The following PGM5 variants were observed in gnomAD, a reference collection of about 807,000 sequenced individuals.
The protein encoded by PGM5 is phosphoglucomutase-like protein 5.
Under a neutral mutation model 59.2 loss-of-function variants are expected in PGM5, and 23 were observed. The ratio of observed to expected loss-of-function variants is 0.39; its 90% CI spans 0.28 to 0.55. PGM5 has a LOEUF of 0.55. PGM5 is among the 20% of genes least tolerant of loss of function. The pLI, the probability that PGM5 is intolerant of heterozygous loss-of-function variation, is 0.66. For synonymous variants in PGM5, 214 were observed against 286.0 expected (o/e 0.75, Z 2.54); for missense variants, 574 against 748.3 (o/e 0.77, Z 2.72).
chr9:68,417,946 C>G (rs548262339), intron 6 of PGM5, among the ~76,000 whole-genome samples: 1 of 152,332 alleles, frequency 6.6e-6, no homozygotes, highest in East Asian at 1.9e-4. Flanking sequence ...GTGTGCCTTA[C>G]ACTTCAATTG....
intron 6 of PGM5, among the ~76,000 whole-genome samples, chr9:68,406,678 G>GTATA (rs782034091): frequency 2.1e-4 from 5 of 23,612 alleles, no homozygotes; most frequent in African/African-American, 8.8e-4. Flanking sequence ...ATATATATAT[G>GTATA]TATATATATA....
At chr9:68,456,432 T>C (rs182321649) in intron 6 of PGM5, among the ~76,000 whole-genome samples, 1 of 151,380 alleles carries the variant, frequency 6.6e-6, no homozygotes, top group Admixed American at 6.6e-5. Context: ...TGCTTCAGCC[T>C]CCCGAGTAGC....
intron 6 of PGM5, among the ~76,000 whole-genome samples, chr9:68,460,882 G>A (rs1275405090): frequency 6.6e-6 from 1 of 152,134 alleles, no homozygotes; most frequent in Non-Finnish European, 1.5e-5. Flanking sequence ...GTGTTTGTGT[G>A]TGGAGGGAAA....
intron 10 of PGM5, among the ~76,000 whole-genome samples, chr9:68,500,317 G>GT (rs1180953041): frequency 2.2e-4 from 34 of 151,700 alleles, no homozygotes; most frequent in African/African-American, 8.0e-4. Flanking sequence ...GTTTTGTTTT[G>GT]TTTTTTTCAT....
chr9:68,481,858 C>A (rs1028441353), intron 8 of PGM5, among the ~76,000 whole-genome samples: 28 of 152,146 alleles, frequency 1.8e-4, no homozygotes, highest in African/African-American at 6.5e-4. Flanking sequence ...GTAAACATTT[C>A]CTTCAACCCC....
chr9:68,525,975 G>T (rs920591193), intron 10 of PGM5, among the ~76,000 whole-genome samples: 1 of 151,870 alleles, frequency 6.6e-6, no homozygotes, highest in Non-Finnish European at 1.5e-5. Context: ...AGAATGGCGT[G>T]AACCCGGGAG....
At chr9:68,464,865 A>G (rs555023706) in intron 6 of PGM5, among the ~76,000 whole-genome samples, 1 of 152,218 alleles carries the variant, frequency 6.6e-6, no homozygotes, top group Non-Finnish European at 1.5e-5. Flanking sequence ...CTGTATATTA[A>G]CTTATTATTT....
At chr9:68,416,656 G>A (rs1823037588) in intron 6 of PGM5, among the ~76,000 whole-genome samples, 1 of 152,124 alleles carries the variant, frequency 6.6e-6, no homozygotes. Flanking sequence ...CCCTATATAA[G>A]CAGTTCCAAT....
intron 10 of PGM5, among the ~76,000 whole-genome samples, chr9:68,512,707 C>T (rs1341054382): frequency 3.3e-5 from 5 of 152,180 alleles, no homozygotes; most frequent in Admixed American, 6.5e-5. Flanking sequence ...GTAAAGGCCC[C>T]GTCTTAAAAT....
chr9:68,432,808 T>C (rs1465710435), intron 6 of PGM5, among the ~76,000 whole-genome samples: 2 of 152,160 alleles, frequency 1.3e-5, no homozygotes, highest in African/African-American at 2.4e-5. Context: ...GGTTTCTCCA[T>C]GTTGGCCAGG....
intron 6 of PGM5, among the ~76,000 whole-genome samples, chr9:68,418,156 G>A (rs1392482281): frequency 6.6e-6 from 1 of 152,126 alleles, no homozygotes; most frequent in African/African-American, 2.4e-5. Context: ...TCACCTGCTG[G>A]CGTGATTCCA....
At chr9:68,504,194 T>C (rs1824621487) in intron 10 of PGM5, among the ~76,000 whole-genome samples, 1 of 152,248 alleles carries the variant, frequency 6.6e-6, no homozygotes, top group African/African-American at 2.4e-5. Flanking sequence ...TCCACCTGAA[T>C]GTCTTATAGA....
At chr9:68,470,652 T>C (rs1824005874) in intron 7 of PGM5, among the ~76,000 whole-genome samples, 1 of 152,264 alleles carries the variant, frequency 6.6e-6, no homozygotes, top group African/African-American at 2.4e-5. Context: ...ATCTGCCGAT[T>C]CTAGTCTCTA....
In PGM5 at chr9:68,356,932, G is replaced by A. The variant is rs1834454793; in HGVS notation, c.-196G>A. 2.1e-6 allele frequency: 1 copy of A among 466,524 alleles called. No individual in the cohort carries two copies. The highest frequency in any genetic ancestry group is 2.1e-5 in the African/African-American group (1 of 48,366). 28.9% of individuals were successfully genotyped at this position (466,524 alleles called of 1,614,324 possible). On this transcript the variant is annotated 5_prime_UTR_variant, in exon 1 of 11. Coordinates refer to ENST00000396396, the MANE Select transcript of PGM5 (RefSeq NM_021965.4). The stretch of plus-strand genomic sequence containing the variant: ...GAAGCAATCTCTGCCGAGAGAGTCA[G>A]CCGAGCGGCCGCGCGGAGAGGAGGG...
intron 6 of PGM5, among the ~76,000 whole-genome samples, chr9:68,407,488 T>G (rs1822844022): frequency 6.6e-6 from 1 of 152,136 alleles, no homozygotes; most frequent in African/African-American, 2.4e-5. Context: ...CACATGAAAA[T>G]TCACTGTTCC....
chr9:68,376,135 A>G (rs557643557), intron 1 of PGM5, among the ~76,000 whole-genome samples: 2 of 152,286 alleles, frequency 1.3e-5, no homozygotes, highest in Admixed American at 1.3e-4. Context: ...TAGTGACTTG[A>G]TGTGACTTAC....
At chr9:68,484,579 A>G (rs1055021398) in intron 9 of PGM5, among the ~76,000 whole-genome samples, 1 of 137,602 alleles carries the variant, frequency 7.3e-6, no homozygotes, top group African/African-American at 3.3e-5. Flanking sequence ...CACACACACA[A>G]AACAAAACAA....
In PGM5 at chr9:68,484,342, G is replaced by A. The variant is rs1279900140; in HGVS notation, c.1479+294G>A. Among the ~76,000 whole-genome samples the A allele has an allele frequency of 4.7e-5, 7 of 149,388 alleles. No individual in the cohort carries two copies. In the South Asian group the frequency reaches 1.1e-3, roughly 23 times the overall value. On this transcript the variant is annotated intron_variant, in intron 9 of 10. Coordinates refer to ENST00000396396, the MANE Select transcript of PGM5 (RefSeq NM_021965.4). Reference sequence around the variant, plus strand: ...TTGAGCTCAGGAGTTCAAAACCAGCGTGGGCAACAAAGTGAGACCCCCATC... The same window carrying A: ...TTGAGCTCAGGAGTTCAAAACCAGCATGGGCAACAAAGTGAGACCCCCATC...
intron 6 of PGM5, among the ~76,000 whole-genome samples, chr9:68,448,115 G>A (rs1159216728): frequency 6.6e-6 from 1 of 152,174 alleles, no homozygotes; most frequent in East Asian, 1.9e-4. Flanking sequence ...AGGCAAATAG[G>A]TTGTCTTCTC....
Sources: gnomAD v4.1 joint callset for allele counts (sites outside exome capture counted in the v4.1 genomes callset) on GRCh38, gnomAD v4.1.1 for gene constraint, MANE v1.5 for transcripts, NCBI Gene and HGNC (gene_info 2026-07-23, HGNC 2026-07-21) for gene names.